Variants in CDKN2B-AS1 observed in about 807,000 individuals in gnomAD.
CDKN2B-AS1 encodes the protein CDKN2B and CDKN2A antisense cis and trans regulatory RNA 1, also known as CDKN2B antisense RNA 1 (non-protein coding).
intron 1 of CDKN2B-AS1, among the ~76,000 whole-genome samples, chr9:22,010,648 G>C (rs766407369): frequency 6.6e-6 from 1 of 152,194 alleles, no homozygotes; most frequent in African/African-American, 2.4e-5. Context: ...TCTACTGACA[G>C]AGCCTCAACA....
intron 4 of CDKN2B-AS1, among the ~76,000 whole-genome samples, chr9:22,085,582 G>C (rs899153405): frequency 6.6e-6 from 1 of 152,136 alleles, no homozygotes; most frequent in Non-Finnish European, 1.5e-5. Context: ...TTAGCCAGGT[G>C]TGGTGGCGGG....
chr9:22,018,732 C>G (rs1361429552), intron 1 of CDKN2B-AS1, among the ~76,000 whole-genome samples: 1 of 152,178 alleles, frequency 6.6e-6, no homozygotes, highest in Non-Finnish European at 1.5e-5. Flanking sequence ...TTTCAATCTA[C>G]TTTTACTTCA....
At chr9:22,069,481 T>C (rs1824199576) in intron 4 of CDKN2B-AS1, among the ~76,000 whole-genome samples, 1 of 152,236 alleles carries the variant, frequency 6.6e-6, no homozygotes, top group South Asian at 2.1e-4. Flanking sequence ...GATATACGAT[T>C]GTATAAGTAT....
At chr9:22,068,235 T>C (rs1182605084) in intron 4 of CDKN2B-AS1, among the ~76,000 whole-genome samples, 1 of 152,146 alleles carries the variant, frequency 6.6e-6, no homozygotes, top group Non-Finnish European at 1.5e-5. Flanking sequence ...TGTTCACAAC[T>C]ATGAACAAGA....
In CDKN2B-AS1 at chr9:21,996,483, C is replaced by T. The variant is rs981949144; in HGVS notation, n.29+1322C>T. On this transcript the variant is annotated intron_variant and non_coding_transcript_variant, in intron 1 of 4. Coordinates refer to ENST00000650946, the Ensembl canonical transcript of CDKN2B-AS1. This position sits in a 1 kb window ranked among gnomAD's most constrained non-coding sequence, Gnocchi z 5.4. ...TCTCTTCTGAAGTAAGTAGCCCTTC[C>T]TCAGAAATGCTTCCCTTTTCAGGCA... Among the ~76,000 whole-genome samples the T allele has an allele frequency of 6.6e-6, 1 of 152,078 alleles. No homozygotes were observed. The highest frequency in any genetic ancestry group is 1.5e-5 in the Non-Finnish European group (1 of 68,024).
intron 4 of CDKN2B-AS1, among the ~76,000 whole-genome samples, chr9:22,075,118 A>G (rs1824444528): frequency 6.6e-6 from 1 of 152,256 alleles, no homozygotes; most frequent in African/African-American, 2.4e-5. Flanking sequence ...AAATATTAAT[A>G]AGACTTCTGG....
chr9:22,082,415 T>A (rs896151853), intron 4 of CDKN2B-AS1, among the ~76,000 whole-genome samples: 3 of 152,222 alleles, frequency 2.0e-5, no homozygotes. Context: ...TTGTTGATCA[T>A]GATATAGAGG....
chr9:22,086,827 G>A (rs66478960), intron 4 of CDKN2B-AS1, among the ~76,000 whole-genome samples: 21,518 of 152,156 alleles, frequency 0.14, 1,993 homozygotes, highest in Admixed American at 0.23. Context: ...TGTATCTACT[G>A]TGTGTATTTT....
chr9:22,083,171 A>C (rs1182300595), intron 4 of CDKN2B-AS1, among the ~76,000 whole-genome samples: 2 of 152,226 alleles, frequency 1.3e-5, no homozygotes, highest in African/African-American at 4.8e-5. Flanking sequence ...CATTTTTCTC[A>C]TGAGAAAATT....
intron 1 of CDKN2B-AS1, chr9:22,012,591 G>A: frequency 2.2e-6 from 1 of 460,724 alleles, no homozygotes; most frequent in Non-Finnish European, 4.0e-6. Context: ...TGGCCCTGGA[G>A]CCTCAATAAA....
rs181290905 is a variant in CDKN2B-AS1 at position 22,070,812 on chromosome 9, C to G, written n.438+14425C>G. ...TTTTATAAATTAAGATAGACATTAA[C>G]AGAAGCTCATAGAATCAATTAATGC... On this transcript the variant is annotated intron_variant and non_coding_transcript_variant, in intron 4 of 4. Transcript: ENST00000650946. Among the ~76,000 whole-genome samples the G allele has an allele frequency of 1.5e-4, 23 of 152,280 alleles. No individual in the cohort carries two copies. In the East Asian group the frequency reaches 3.3e-3, roughly 22 times the overall value.
intron 1 of CDKN2B-AS1, chr9:22,009,050 T>G (rs1181118753): frequency 1.9e-6 from 3 of 1,566,932 alleles, no homozygotes; most frequent in South Asian, 2.2e-5. Flanking sequence ...TCCGGCGCAC[T>G]CTCTCCTTCC....
At chr9:22,004,173 AATAAC>A (rs1821054910) in intron 1 of CDKN2B-AS1, 1 of 232,394 alleles carries the variant, frequency 4.3e-6, no homozygotes, top group African/African-American at 2.2e-5. Flanking sequence ...TCCTTTCCCC[AATAAC>A]ATATGCTCTG....
intron 4 of CDKN2B-AS1, among the ~76,000 whole-genome samples, chr9:22,060,403 T>C (rs1269356613): frequency 6.6e-6 from 1 of 152,202 alleles, no homozygotes; most frequent in African/African-American, 2.4e-5. Flanking sequence ...TCACATTTGC[T>C]CCAGTTCCCA....
At chr9:22,025,477 T>C (rs1219806778) in intron 1 of CDKN2B-AS1, among the ~76,000 whole-genome samples, 1 of 152,166 alleles carries the variant, frequency 6.6e-6, no homozygotes, top group Non-Finnish European at 1.5e-5. Flanking sequence ...ATTGGCTTGA[T>C]ATCTCTGGTG....
intron 4 of CDKN2B-AS1, among the ~76,000 whole-genome samples, chr9:22,081,623 A>G (rs1587505473): frequency 6.6e-6 from 1 of 152,236 alleles, no homozygotes; most frequent in East Asian, 1.9e-4. Flanking sequence ...CCCCTGGGAC[A>G]GGCCCATGAT....
intron 1 of CDKN2B-AS1, among the ~76,000 whole-genome samples, chr9:22,025,861 C>T (rs1424351047): frequency 6.6e-6 from 1 of 152,138 alleles, no homozygotes; most frequent in Non-Finnish European, 1.5e-5. Context: ...AGGAGTTGTG[C>T]CATACTGGGG....
chr9:22,077,666 C>CT (rs1824548879), intron 4 of CDKN2B-AS1: 1 of 152,170 alleles, frequency 6.6e-6, no homozygotes, highest in South Asian at 2.1e-4. Flanking sequence ...ACATTTAGCT[C>CT]CTTTTCTTCC....
chr9:22,023,910 A>C lies in CDKN2B-AS1; in HGVS notation n.30-22841A>C, dbSNP rs74992648. On this transcript the variant is annotated intron_variant and non_coding_transcript_variant, in intron 1 of 4. Coordinates refer to ENST00000650946, the Ensembl canonical transcript of CDKN2B-AS1. ...CTATAACTCTGCGAACTTCATTCCTATCCATATTCTGAATTCTGCTTCTAT... is the reference window on the plus strand; with the variant it reads ...CTATAACTCTGCGAACTTCATTCCTCTCCATATTCTGAATTCTGCTTCTAT... Among the ~76,000 whole-genome samples the C allele has an allele frequency of 3.5e-3, 528 of 152,230 alleles. 1 individual carries two copies. The highest frequency in any genetic ancestry group is 6.1e-3 in the Non-Finnish European group (415 of 68,018).
Sources: allele counts gnomAD v4.1 joint callset (sites outside exome capture counted in the v4.1 genomes callset), GRCh38; gene constraint gnomAD v4.1.1; non-coding constraint Gnocchi (gnomAD v3.1); transcripts MANE v1.5; gene names NCBI Gene and HGNC (gene_info 2026-07-23, HGNC 2026-07-21).